Variants in KIFAP3 observed in about 807,000 individuals in gnomAD.
KIFAP3 encodes the protein kinesin associated protein 3, also known as kinesin-associated protein 3.
Under a neutral mutation model 106.5 loss-of-function variants are expected in KIFAP3, and 68 were observed. The observed-to-expected ratio is 0.64, with a 90% CI of 0.53 to 0.78. KIFAP3 has a LOEUF of 0.78. KIFAP3 is among the 30% of genes least tolerant of loss of function. The probability of loss-of-function intolerance (pLI) is 0.00; values close to 1 mark genes in which losing one functional copy is unlikely to be tolerated. For missense variants in KIFAP3, 780 were observed against 941.8 expected (o/e 0.83, Z 2.25); for synonymous variants, 320 against 311.5 (o/e 1.03, Z -0.29).
chr1:169,989,321 T>A (rs1666987505), intron 11 of KIFAP3, among the ~76,000 whole-genome samples: 1 of 146,132 alleles, frequency 6.8e-6, no homozygotes, highest in Admixed American at 7.0e-5. Flanking sequence ...CTTCTTGGTT[T>A]GCATTTATTT....
chr1:170,001,588 T>C (rs568444945), intron 10 of KIFAP3, among the ~76,000 whole-genome samples: 1 of 152,264 alleles, frequency 6.6e-6, no homozygotes, highest in African/African-American at 2.4e-5. Context: ...GGTTTATTTA[T>C]AGGATAAATG....
chr1:170,016,773 T>C, intron 9 of KIFAP3, 149 bp from the exon 10 acceptor site: 1 of 501,320 alleles, frequency 2.0e-6, no homozygotes, highest in Non-Finnish European at 3.3e-6. Context: ...CTGTAAACTT[T>C]CCTGAAATCA....
chr1:169,965,751 CATT>C (rs1161689893), intron 17 of KIFAP3, among the ~76,000 whole-genome samples: 9 of 151,916 alleles, frequency 5.9e-5, no homozygotes, highest in African/African-American at 1.9e-4. Flanking sequence ...GAGCTTACAT[CATT>C]ATTCTTATTA....
intron 10 of KIFAP3, among the ~76,000 whole-genome samples, chr1:169,997,655 G>A (rs1667431873): frequency 6.6e-6 from 1 of 151,982 alleles, no homozygotes; most frequent in South Asian, 2.1e-4. Flanking sequence ...TGGATTACCT[G>A]AGGTCAGGAG....
At chr1:169,948,302 G>A (rs1186238837) in intron 19 of KIFAP3, among the ~76,000 whole-genome samples, 1 of 151,702 alleles carries the variant, frequency 6.6e-6, no homozygotes, top group African/African-American at 2.4e-5. Context: ...GCTTTATTTT[G>A]TAAACACCAT....
At chr1:170,011,869 T>C (rs1307860876) in intron 10 of KIFAP3, among the ~76,000 whole-genome samples, 1 of 152,144 alleles carries the variant, frequency 6.6e-6, no homozygotes, top group Admixed American at 6.6e-5. Context: ...TCTACACATG[T>C]AACATATATA....
At chr1:169,942,919 C>CCCCA (rs397729541) in intron 19 of KIFAP3, among the ~76,000 whole-genome samples, 1 of 110,586 alleles carries the variant, frequency 9.0e-6, no homozygotes. Flanking sequence ...CGCCCCCCCC[C>CCCCA]ACCCCTTTAA....
At chr1:169,982,333 C>T (rs111862019) in intron 14 of KIFAP3, among the ~76,000 whole-genome samples, 2 of 152,126 alleles carry the variant, frequency 1.3e-5, no homozygotes, top group African/African-American at 4.8e-5. Flanking sequence ...GAGAGTACAA[C>T]TGAATGACAA....
At chr1:169,951,778 C>A (rs539510262) in intron 19 of KIFAP3, among the ~76,000 whole-genome samples, 2 of 151,926 alleles carry the variant, frequency 1.3e-5, no homozygotes, top group East Asian at 3.9e-4. Flanking sequence ...ATAAGTAATG[C>A]ATGATTTATA....
chr1:169,969,730 C>G lies in KIFAP3; in HGVS notation c.1983+2783G>C, dbSNP rs184515900. 2.3e-3 allele frequency among the ~76,000 whole-genome samples: 356 copies of G among 151,980 alleles called. 2 individuals carry two copies. Among genetic ancestry groups the G allele is most frequent in the African/African-American group, 8.1e-3 (338 of 41,478 alleles). On this transcript the variant is annotated intron_variant, in intron 17 of 19. Coordinates refer to ENST00000361580, the MANE Select transcript of KIFAP3 (RefSeq NM_014970.4). ...GTTATATCCCTTTTCCTGTAAACAC[C>G]CTGTAGATACAGTGTGCCGTTAGTA...
chr1:170,069,967 A>C (rs1239825189), intron 1 of KIFAP3, among the ~76,000 whole-genome samples: 1 of 152,140 alleles, frequency 6.6e-6, no homozygotes, highest in African/African-American at 2.4e-5. Flanking sequence ...AAATTCAGCA[A>C]AGTTGGAGAA....
At chr1:170,068,325 A>T (rs1170152816) in intron 1 of KIFAP3, 2 of 152,148 alleles carry the variant, frequency 1.3e-5, no homozygotes, top group Non-Finnish European at 2.9e-5. Flanking sequence ...AATAACTAAG[A>T]AAAAGGAGAA....
At chr1:169,988,636 C>T (rs572922100) in intron 11 of KIFAP3, among the ~76,000 whole-genome samples, 5 of 152,018 alleles carry the variant, frequency 3.3e-5, no homozygotes, top group African/African-American at 4.8e-5. Flanking sequence ...TAGCCAATAC[C>T]TCTAAAGGAG....
At chr1:170,016,399 C>G in intron 10 of KIFAP3, 63 bp downstream of exon 10, 1 of 1,338,794 alleles carries the variant, frequency 7.5e-7, no homozygotes, top group South Asian at 1.3e-5. Context: ...CAACACAGAG[C>G]TCAATTTTCC....
intron 19 of KIFAP3, among the ~76,000 whole-genome samples, chr1:169,925,097 T>C (rs745542837): frequency 6.6e-6 from 1 of 152,194 alleles, no homozygotes; most frequent in African/African-American, 2.4e-5. Context: ...TCTCTGTATG[T>C]ACATAGTTTC....
chr1:170,029,745 A>T (rs1280273494), intron 8 of KIFAP3, among the ~76,000 whole-genome samples: 1 of 152,024 alleles, frequency 6.6e-6, no homozygotes, highest in Non-Finnish European at 1.5e-5. Flanking sequence ...AAGCTATGGT[A>T]ATGAAGACAC....
At chr1:170,048,653 G>A (rs1670401662) in intron 2 of KIFAP3, among the ~76,000 whole-genome samples, 1 of 151,490 alleles carries the variant, frequency 6.6e-6, no homozygotes, top group Non-Finnish European at 1.5e-5. Flanking sequence ...CATCTCACTG[G>A]GACTGGTTAG....
At chr1:169,992,632 A>C (rs919412519) in intron 10 of KIFAP3, among the ~76,000 whole-genome samples, 3 of 152,172 alleles carry the variant, frequency 2.0e-5, no homozygotes, top group African/African-American at 7.2e-5. Flanking sequence ...TAGATATAGT[A>C]AATAAAAAAG....
chr1:170,036,944 G>A (rs1292003645), intron 5 of KIFAP3, among the ~76,000 whole-genome samples: 1 of 152,102 alleles, frequency 6.6e-6, no homozygotes, highest in South Asian at 2.1e-4. Flanking sequence ...ATCCCATTAC[G>A]TCTTTTCACA....
Sources: gnomAD v4.1 joint callset for allele counts (sites outside exome capture counted in the v4.1 genomes callset) on GRCh38, gnomAD v4.1.1 for gene constraint, MANE v1.5 for transcripts, NCBI Gene and HGNC (gene_info 2026-07-23, HGNC 2026-07-21) for gene names.